Variants in DNAJC1 observed in about 807,000 individuals in gnomAD.
The protein encoded by DNAJC1 is dnaJ homolog subfamily C member 1.
A neutral mutation model predicts 76.6 loss-of-function variants in DNAJC1; 58 were observed. The observed-to-expected ratio is 0.76, with a 90% confidence interval of 0.61 to 0.94. DNAJC1 has a LOEUF of 0.94. Among genes scored for constraint, DNAJC1 ranks in the 40% least tolerant of loss-of-function variants. The pLI, the probability that DNAJC1 is intolerant of heterozygous loss-of-function variation, is 0.00. For synonymous variants in DNAJC1, 258 were observed against 267.9 expected, an observed-to-expected ratio of 0.96 and a Z score of 0.36; for missense variants, 689 against 677.3, an observed-to-expected ratio of 1.02 and a Z score of -0.19.
chr10:21,789,747 C>G (rs1232537662), intron 9 of DNAJC1, among the ~76,000 whole-genome samples: 1 of 152,062 alleles, frequency 6.6e-6, no homozygotes, highest in African/African-American at 2.4e-5. Flanking sequence ...CAGTGGCTCA[C>G]GCCTATAATC....
At chr10:21,782,747 A>C (rs1393689337) in intron 9 of DNAJC1, among the ~76,000 whole-genome samples, 3 of 152,248 alleles carry the variant, frequency 2.0e-5, no homozygotes, top group Non-Finnish European at 4.4e-5. Flanking sequence ...CTGGTTGAAC[A>C]TATGCAAATC....
At chr10:21,944,358 CAT>C (rs1337394825) in intron 1 of DNAJC1, among the ~76,000 whole-genome samples, 2 of 152,146 alleles carry the variant, frequency 1.3e-5, no homozygotes, top group African/African-American at 2.4e-5. Flanking sequence ...TATAAATAGA[CAT>C]GTAATATTCC....
At chr10:21,881,265 TG>T (rs1199392060) in intron 8 of DNAJC1, among the ~76,000 whole-genome samples, 1 of 152,216 alleles carries the variant, frequency 6.6e-6, no homozygotes, top group African/African-American at 2.4e-5. Flanking sequence ...AAGGTTGTTT[TG>T]CTTGCTTACC....
intron 8 of DNAJC1, among the ~76,000 whole-genome samples, chr10:21,875,632 A>G (rs976805605): frequency 4.6e-5 from 7 of 152,206 alleles, no homozygotes; most frequent in African/African-American, 1.7e-4. Context: ...AAACCATTAG[A>G]ATTAAAAAAT....
chr10:21,836,087 T>C (rs1225662553), intron 8 of DNAJC1, among the ~76,000 whole-genome samples: 1 of 152,164 alleles, frequency 6.6e-6, no homozygotes, highest in Admixed American at 6.5e-5. Context: ...AAAGGTCGGG[T>C]TACCCACAAA....
At chr10:21,769,658 C>T (rs1157886483) in intron 9 of DNAJC1, among the ~76,000 whole-genome samples, 2 of 152,144 alleles carry the variant, frequency 1.3e-5, no homozygotes, top group Admixed American at 6.5e-5. Context: ...ACTAACCAAA[C>T]CAAAAACTAA....
At chr10:21,823,152 T>A (rs376161020) in intron 8 of DNAJC1, among the ~76,000 whole-genome samples, 1 of 152,170 alleles carries the variant, frequency 6.6e-6, no homozygotes, top group South Asian at 2.1e-4. Flanking sequence ...AGACTTGAAC[T>A]GAAGTCTGCA....
Position 21,928,657 on chromosome 10 carries a change from A to C in DNAJC1, c.325-105T>G, listed in dbSNP as rs996615329. 38 of 832,146 alleles carry C rather than the reference A, an allele frequency of 4.6e-5. No individual in the cohort carries two copies. In the African/African-American group the frequency reaches 6.3e-4, roughly 14 times the overall value. The allele number at this position is 832,146 out of a possible 1,614,324, so 51.5% of individuals were successfully genotyped here. On this transcript the variant is annotated intron_variant, in intron 2 of 11. Transcript: ENST00000376980. ...CACATGCAGAAAATCCTATGTGCCTATATATACAATAAACAGATGAAATCT... is the reference window on the plus strand; with the variant it reads ...CACATGCAGAAAATCCTATGTGCCTCTATATACAATAAACAGATGAAATCT...
At chr10:21,917,588 TAAAG>T (rs1836977138) in intron 6 of DNAJC1, among the ~76,000 whole-genome samples, 2 of 152,072 alleles carry the variant, frequency 1.3e-5, no homozygotes, top group East Asian at 1.9e-4. Context: ...ACCAGTGTGA[TAAAG>T]ACTTTCCCTC....
intron 6 of DNAJC1, among the ~76,000 whole-genome samples, chr10:21,913,933 A>ACTTC (rs1479142359): frequency 1.3e-5 from 2 of 152,106 alleles, no homozygotes; most frequent in Non-Finnish European, 2.9e-5. Context: ...ATCTCAACAC[A>ACTTC]CTTCCTGAAG....
At chr10:21,830,554 T>C (rs1298160952) in intron 8 of DNAJC1, among the ~76,000 whole-genome samples, 4 of 152,224 alleles carry the variant, frequency 2.6e-5, no homozygotes, top group African/African-American at 7.2e-5. Context: ...CCTTGATTTG[T>C]TTAGAGGTAG....
chr10:21,961,081 GT>G (rs1200514454), intron 1 of DNAJC1, among the ~76,000 whole-genome samples: 1 of 152,170 alleles, frequency 6.6e-6, no homozygotes, highest in Non-Finnish European at 1.5e-5. Context: ...AAAATAATGT[GT>G]TTTTGAGGAT....
chr10:21,903,301 AT>A (rs1454806449), intron 7 of DNAJC1, among the ~76,000 whole-genome samples: 1 of 152,092 alleles, frequency 6.6e-6, no homozygotes, highest in Non-Finnish European at 1.5e-5. Flanking sequence ...TAATCTACCA[AT>A]TTTTCCTAAA....
At chr10:21,789,302 A>G (rs1337246513) in intron 9 of DNAJC1, among the ~76,000 whole-genome samples, 1 of 152,214 alleles carries the variant, frequency 6.6e-6, no homozygotes, top group Non-Finnish European at 1.5e-5. Context: ...CAGAGACTAT[A>G]CCACTGCACC....
chr10:21,843,901 T>C (rs376651210), intron 8 of DNAJC1, among the ~76,000 whole-genome samples: 1 of 152,100 alleles, frequency 6.6e-6, no homozygotes, highest in East Asian at 1.9e-4. Flanking sequence ...TCACCTTGAA[T>C]TGTAATAATC....
chr10:21,813,094 C>CATATATATATATATATATATAT (rs1451322364), intron 8 of DNAJC1, among the ~76,000 whole-genome samples: 55 of 66,716 alleles, frequency 8.2e-4, no homozygotes, highest in Admixed American at 1.3e-3. Context: ...TATACACACA[C>CATATATATATATATATATATAT]ACATATATAT....
intron 8 of DNAJC1, among the ~76,000 whole-genome samples, chr10:21,815,350 A>T (rs918238987): frequency 6.6e-6 from 1 of 152,188 alleles, no homozygotes; most frequent in African/African-American, 2.4e-5. Flanking sequence ...ACTGCAATAG[A>T]TGTCCTCCTT....
At chr10:21,841,639 T>A (rs1835575451) in intron 8 of DNAJC1, among the ~76,000 whole-genome samples, 2 of 152,106 alleles carry the variant, frequency 1.3e-5, no homozygotes, top group Admixed American at 1.3e-4. Flanking sequence ...ATAGGAACAT[T>A]TTTACACTGT....
chr10:21,993,739 G>A (rs1032234727), intron 1 of DNAJC1, among the ~76,000 whole-genome samples: 2 of 151,926 alleles, frequency 1.3e-5, no homozygotes, highest in Non-Finnish European at 2.9e-5. Context: ...TCTGCCACTC[G>A]GTTTTAACTT....
Sources: gnomAD v4.1 joint callset for allele counts (sites outside exome capture counted in the v4.1 genomes callset) on GRCh38, gnomAD v4.1.1 for gene constraint, MANE v1.5 for transcripts, NCBI Gene and HGNC (gene_info 2026-07-23, HGNC 2026-07-21) for gene names.